The following OPCML variants were observed in gnomAD, a reference collection of about 807,000 sequenced individuals.
The protein encoded by OPCML is opioid-binding protein/cell adhesion molecule.
OPCML carries 13 observed loss-of-function variants against 37.8 expected under a neutral mutation model. The observed-to-expected ratio is 0.34, with a 90% CI of 0.22 to 0.55. OPCML has a LOEUF of 0.55. OPCML is among the 20% of genes least tolerant of loss of function. OPCML has a pLI of 0.91. For missense variants in OPCML, 341 were observed against 435.6 expected (o/e 0.78, Z 1.93); for synonymous variants, 176 against 168.8 (o/e 1.04, Z -0.33).
At chr11:133,166,650 G>A (rs1426654309) in intron 1 of OPCML, among the ~76,000 whole-genome samples, 1 of 152,212 alleles carries the variant, frequency 6.6e-6, no homozygotes, top group East Asian at 1.9e-4. Flanking sequence ...CCAGCTTGAT[G>A]TGCAGGCTGG....
At chr11:133,229,852 G>C (rs1376559809) in intron 1 of OPCML, among the ~76,000 whole-genome samples, 1 of 152,170 alleles carries the variant, frequency 6.6e-6, no homozygotes, top group Non-Finnish European at 1.5e-5. Flanking sequence ...AGCCTTTACT[G>C]TGCGCAGTTA....
intron 1 of OPCML, among the ~76,000 whole-genome samples, chr11:133,083,862 G>A (rs1948778861): frequency 6.6e-6 from 1 of 152,148 alleles, no homozygotes; most frequent in South Asian, 2.1e-4. Flanking sequence ...CTTGGTAGAT[G>A]TCCCAATCCT....
At chr11:132,627,471 C>A (rs931108088) in intron 3 of OPCML, among the ~76,000 whole-genome samples, 1 of 152,150 alleles carries the variant, frequency 6.6e-6, no homozygotes, top group African/African-American at 2.4e-5. Flanking sequence ...TAGGTATGGC[C>A]TCTGCACTTG....
chr11:133,301,375 G>A (rs1315166605), intron 1 of OPCML: 1 of 152,154 alleles, frequency 6.6e-6, no homozygotes, highest in Non-Finnish European at 1.5e-5. Context: ...GAATTACTTT[G>A]GTGGCTGAAG....
At chr11:132,878,476 GTCT>G (rs1943105232) in intron 2 of OPCML, among the ~76,000 whole-genome samples, 1 of 152,188 alleles carries the variant, frequency 6.6e-6, no homozygotes, top group South Asian at 2.1e-4. Flanking sequence ...TGGGACATCA[GTCT>G]TCTGCCTTCA....
At chr11:132,936,841 C>CA (rs35774517) in intron 2 of OPCML, among the ~76,000 whole-genome samples, 1 of 152,120 alleles carries the variant, frequency 6.6e-6, no homozygotes, top group African/African-American at 2.4e-5. Flanking sequence ...CCATTTCATG[C>CA]AAACTTGAGC....
intron 2 of OPCML, among the ~76,000 whole-genome samples, chr11:132,713,397 G>C (rs1364857557): frequency 1.3e-5 from 2 of 152,088 alleles, no homozygotes; most frequent in African/African-American, 4.8e-5. Context: ...ATCTTAACCA[G>C]TATACAGTAA....
chr11:133,239,518 C>T (rs1940647117), intron 1 of OPCML, among the ~76,000 whole-genome samples: 1 of 152,232 alleles, frequency 6.6e-6, no homozygotes, highest in Non-Finnish European at 1.5e-5. Context: ...GCCTCAGCCC[C>T]AGCCTCAGGT....
chr11:132,604,797 T>G (rs148827093), intron 3 of OPCML, among the ~76,000 whole-genome samples: 1 of 152,224 alleles, frequency 6.6e-6, no homozygotes, highest in East Asian at 1.9e-4. Context: ...ACTAACAAAG[T>G]TTTCAGAAAT....
chr11:133,122,805 G>C (rs1291078678), intron 1 of OPCML, among the ~76,000 whole-genome samples: 6 of 152,132 alleles, frequency 3.9e-5, no homozygotes, highest in Non-Finnish European at 8.8e-5. Flanking sequence ...AGGTAAACTG[G>C]AATCTAGCAT....
intron 1 of OPCML, among the ~76,000 whole-genome samples, chr11:133,110,408 A>G (rs2137091053): frequency 6.6e-6 from 1 of 152,250 alleles, no homozygotes; most frequent in South Asian, 2.1e-4. Flanking sequence ...CCACAGCATG[A>G]ACTTGGGAAC....
intron 1 of OPCML, among the ~76,000 whole-genome samples, chr11:133,071,495 GCAAATT>G (rs1183715424): frequency 6.6e-6 from 1 of 152,160 alleles, no homozygotes. Flanking sequence ...ATTCCAAAGT[GCAAATT>G]TTGTCAAAGG....
intron 2 of OPCML, among the ~76,000 whole-genome samples, chr11:132,818,602 G>A (rs1939770108): frequency 1.1e-5 from 1 of 92,108 alleles, no homozygotes; most frequent in South Asian, 3.5e-4. Context: ...TAGATAGATA[G>A]ATAGATGATA....
chr11:133,051,058 T>TACACACACACAC (rs113538759), intron 1 of OPCML, among the ~76,000 whole-genome samples: 7 of 147,992 alleles, frequency 4.7e-5, no homozygotes, highest in African/African-American at 9.9e-5. Flanking sequence ...TGTGTGTACA[T>TACACACACACAC]ACACACACAC....
chr11:132,609,500 C>A (rs1938508835), intron 3 of OPCML, among the ~76,000 whole-genome samples: 1 of 152,094 alleles, frequency 6.6e-6, no homozygotes, highest in African/African-American at 2.4e-5. Context: ...CACCAAGCAA[C>A]CCACATTTAC....
Position 133,211,117 on chromosome 11 carries a change from T to C in OPCML, c.62-268107A>G, listed in dbSNP as rs1939338553. 6.6e-6 allele frequency among the ~76,000 whole-genome samples: 1 copy of C among 152,236 alleles called. No individual in the cohort carries two copies. Among genetic ancestry groups the C allele is most frequent in the Non-Finnish European group, 1.5e-5 (1 of 68,050 alleles). On this transcript the variant is annotated intron_variant, in intron 1 of 7. Coordinates refer to ENST00000524381, the MANE Select transcript of OPCML (RefSeq NM_001012393.5). The surrounding 1 kb of genome is among the most constrained non-coding windows in gnomAD (Gnocchi z 4.1). ...AGAGGCTTGCCCACTGCAACTCAGC[T>C]TTCTAATCATTCGTGATTGATGAGC...
chr11:133,425,158 A>G (rs1322956616), intron 1 of OPCML, among the ~76,000 whole-genome samples: 3 of 152,194 alleles, frequency 2.0e-5, no homozygotes, highest in Non-Finnish European at 2.9e-5. Context: ...ACCTGAGTTC[A>G]CCAGTCCTGA....
intron 3 of OPCML, among the ~76,000 whole-genome samples, chr11:132,536,210 C>A (rs916730242): frequency 5.3e-5 from 8 of 152,296 alleles, no homozygotes; most frequent in Non-Finnish European, 1.0e-4. Flanking sequence ...GCAAGGGCAG[C>A]CTTTCCCTCC....
intron 1 of OPCML, among the ~76,000 whole-genome samples, chr11:133,020,764 A>C (rs911867957): frequency 6.6e-6 from 1 of 152,234 alleles, no homozygotes; most frequent in Non-Finnish European, 1.5e-5. Flanking sequence ...TGTTCAAAAA[A>C]ATGACTTAAT....
Sources: allele counts gnomAD v4.1 joint callset (sites outside exome capture counted in the v4.1 genomes callset), GRCh38; gene constraint gnomAD v4.1.1; non-coding constraint Gnocchi (gnomAD v3.1); transcripts MANE v1.5; gene names NCBI Gene and HGNC (gene_info 2026-07-23, HGNC 2026-07-21).